KCNN1: variants seen among roughly 807,000 people sequenced by gnomAD.
KCNN1 encodes the protein potassium calcium-activated channel subfamily N member 1.
In KCNN1, 20 loss-of-function variants were observed where a neutral mutation model predicts 44.7. The observed-to-expected ratio is 0.45, with a 90% CI of 0.32 to 0.65. The LOEUF (loss-of-function observed/expected upper bound fraction) is 0.65. Ranked by LOEUF, KCNN1 falls within the 30% of genes least tolerant of loss-of-function variation. KCNN1 has a pLI of 0.05. For missense variants in KCNN1, 632 were observed against 785.3 expected (o/e 0.80, Z 2.33); for synonymous variants, 324 against 341.7 (o/e 0.95, Z 0.57).
chr19:17,952,716 T>C (rs1278141937), intron 1 of KCNN1, among the ~76,000 whole-genome samples: 1 of 152,090 alleles, frequency 6.6e-6, no homozygotes, highest in Non-Finnish European at 1.5e-5. Context: ...TTTCTCCCTT[T>C]CTCCTTGCGT....
intron 3 of KCNN1, among the ~76,000 whole-genome samples, chr19:17,981,231 T>C (rs1003160021): frequency 2.0e-5 from 3 of 148,576 alleles, no homozygotes; most frequent in African/African-American, 7.5e-5. Flanking sequence ...TGCGACAGAG[T>C]GAGACCCTGT....
chr19:17,958,480 CTTTTTTTT>C (rs71164331), intron 2 of KCNN1, among the ~76,000 whole-genome samples: 1 of 99,542 alleles, frequency 1.0e-5, no homozygotes, highest in South Asian at 3.9e-4. Context: ...GACCCTGTCT[CTTTTTTTT>C]TTTTTTTTTT....
chr19:17,977,870 AC>A (rs1362502485), intron 3 of KCNN1, among the ~76,000 whole-genome samples: 1 of 152,052 alleles, frequency 6.6e-6, no homozygotes, highest in African/African-American at 2.4e-5. Flanking sequence ...CAGCAGAAGA[AC>A]CCAGACATAA....
At position 17,967,196 on chromosome 19, in the gene KCNN1, C is replaced by T; in HGVS notation, c.-203C>T. On this transcript the variant is annotated 5_prime_UTR_variant, in exon 1 of 10. Transcript: ENST00000684775. Reference sequence around the variant, plus strand: ...CCGGCCCCGCCGCCCCCGGGCCCCGCGCCCGCTCGCTGCTGCCCGCCCCGT... The same window carrying T: ...CCGGCCCCGCCGCCCCCGGGCCCCGTGCCCGCTCGCTGCTGCCCGCCCCGT... 1.0e-6 allele frequency: 1 copy of T among 958,974 alleles called. No homozygotes were observed. The highest frequency in any genetic ancestry group is 1.2e-6 in the Non-Finnish European group (1 of 807,666). The allele number at this position is 958,974 out of a possible 1,614,324, so 59.4% of individuals were successfully genotyped here. A position where few individuals can be genotyped will look rare whatever the true frequency, so the allele number is the denominator to read the frequency against.
At chr19:17,976,669 C>T (rs1237037045) in intron 3 of KCNN1, among the ~76,000 whole-genome samples, 8 of 151,722 alleles carry the variant, frequency 5.3e-5, no homozygotes, top group East Asian at 2.0e-4. Flanking sequence ...CTGCCCGCCT[C>T]GGCCTCCCAA....
chr19:17,960,811 C>G (rs961677217), intron 2 of KCNN1, among the ~76,000 whole-genome samples: 1 of 151,940 alleles, frequency 6.6e-6, no homozygotes, highest in Admixed American at 6.6e-5. Flanking sequence ...GCTGTGTCAC[C>G]CCCACCTCTG....
At chr19:17,985,029 C>G (rs2032547495) in intron 4 of KCNN1, among the ~76,000 whole-genome samples, 1 of 151,966 alleles carries the variant, frequency 6.6e-6, no homozygotes. Flanking sequence ...ATCCCCCTGT[C>G]TGTGTGTGTC....
chr19:17,951,831 C>T (rs1261034951), intron 1 of KCNN1, among the ~76,000 whole-genome samples: 2 of 152,190 alleles, frequency 1.3e-5, no homozygotes, highest in Non-Finnish European at 2.9e-5. Context: ...CCCTGACTCT[C>T]TTCTTTCCCG....
At chr19:17,985,240 C>G (rs1161669929) in intron 4 of KCNN1, 72 bp from the exon 5 acceptor site, 1 of 1,437,246 alleles carries the variant, frequency 7.0e-7, no homozygotes, top group African/African-American at 1.4e-5. Context: ...TGGCGCTGCC[C>G]CAGGGGGTGT....
chr19:17,987,626 GA>G (rs1483471689), intron 5 of KCNN1, among the ~76,000 whole-genome samples: 2 of 152,038 alleles, frequency 1.3e-5, no homozygotes, highest in Non-Finnish European at 2.9e-5. Flanking sequence ...CCTGGAAACC[GA>G]GACAGGGTTT....
chr19:17,985,187 C>T, intron 4 of KCNN1, 125 bp from the exon 5 acceptor site: 3 of 907,500 alleles, frequency 3.3e-6, no homozygotes, highest in Admixed American at 3.1e-5. Context: ...ACCCACAGGA[C>T]ATAGCCCCAA....
At chr19:17,957,297 T>A (rs1030620551) in intron 2 of KCNN1, among the ~76,000 whole-genome samples, 75 of 45,092 alleles carry the variant, frequency 1.7e-3, no homozygotes, top group African/African-American at 2.2e-3. Context: ...AGAGGGAGGG[T>A]AGGAGGGAGG....
At chr19:17,951,533 C>T (rs1330900740) in intron 1 of KCNN1, 1 of 151,628 alleles carries the variant, frequency 6.6e-6, no homozygotes, top group African/African-American at 2.4e-5. Context: ...CCAGACCCCG[C>T]GAGCCACATT....
intron 6 of KCNN1, among the ~76,000 whole-genome samples, chr19:17,988,909 T>TAAAAAAAAAAAAAAAAAAAAA (rs778235667): frequency 7.3e-6 from 1 of 137,534 alleles, no homozygotes. Context: ...AGACTCCGTT[T>TAAAAAAAAAAAAAAAAAAAAA]AAAAAAAAAA....
chr19:17,993,721 C>A lies in KCNN1; in HGVS notation c.1377+162C>A, dbSNP rs1384428498. ...CTCAGGAGTTTGAGACCAGCCTGGG[C>A]AACATGGTGAAATCCCGTCTCTACA... On this transcript the variant is annotated intron_variant, in intron 9 of 9. Transcript: ENST00000684775. The surrounding 1 kb of genome is among the most constrained non-coding windows in gnomAD (Gnocchi z 4.5). Among the ~76,000 whole-genome samples the A allele has an allele frequency of 2.6e-5, 4 of 151,860 alleles. No individual in the cohort carries two copies. Among genetic ancestry groups the A allele is most frequent in the Admixed American group, 1.3e-4 (2 of 15,226 alleles).
chr19:17,972,329 A>G (rs1011491901), intron 1 of KCNN1, among the ~76,000 whole-genome samples: 3 of 152,196 alleles, frequency 2.0e-5, no homozygotes, highest in East Asian at 1.9e-4. Context: ...CTTGGTGAGC[A>G]TGATGACTAT....
At chr19:17,969,028 A>G (rs1332100537) in intron 1 of KCNN1, among the ~76,000 whole-genome samples, 1 of 152,084 alleles carries the variant, frequency 6.6e-6, no homozygotes, top group Non-Finnish European at 1.5e-5. Context: ...GTTACCCAGA[A>G]AAACATACCC....
rs1599353954 is a variant in KCNN1, at chr19:17,971,034, C to T, written c.-81-2774C>T. Among the ~76,000 whole-genome samples the T allele has an allele frequency of 2.6e-5, 4 of 152,084 alleles. No individual in the cohort carries two copies. In the South Asian group the frequency reaches 8.3e-4, roughly 32 times the overall value. ...AAGTAGCTGGGATTACAGGTGCCCA[C>T]CACCACACCTGGCTAATTTTTGTAG... On this transcript the variant is annotated intron_variant, in intron 1 of 9. Transcript: ENST00000684775.
chr19:17,959,770 A>T (rs1226748052), intron 2 of KCNN1, among the ~76,000 whole-genome samples: 1 of 152,072 alleles, frequency 6.6e-6, no homozygotes, highest in Non-Finnish European at 1.5e-5. Context: ...CGAGTGAAAG[A>T]GTTCAAGAGG....
Sources: allele counts gnomAD v4.1 joint callset (sites outside exome capture counted in the v4.1 genomes callset), GRCh38; gene constraint gnomAD v4.1.1; non-coding constraint Gnocchi (gnomAD v3.1); transcripts MANE v1.5; gene names NCBI Gene and HGNC (gene_info 2026-07-23, HGNC 2026-07-21).